PCP4: variants seen among roughly 807,000 people sequenced by gnomAD.
PCP4 encodes calmodulin regulator protein PCP4.
Under a neutral mutation model 10.0 loss-of-function variants are expected in PCP4, and 8 were observed. That is an observed-to-expected ratio of 0.80 (90% CI 0.47 to 1.45). The LOEUF (loss-of-function observed/expected upper bound fraction) is 1.45, where lower values mean the gene tolerates loss of function less well. PCP4 is among the 40% of genes most tolerant of loss of function. The pLI, the probability that PCP4 is intolerant of heterozygous loss-of-function variation, is 0.00. For missense variants in PCP4, 54 were observed against 74.4 expected, an observed-to-expected ratio of 0.73 and a Z score of 1.01; for synonymous variants, 21 against 23.0, an observed-to-expected ratio of 0.91 and a Z score of 0.24.
chr21:39,905,068 G>C (rs2146340995), intron 2 of PCP4, among the ~76,000 whole-genome samples: 1 of 152,276 alleles, frequency 6.6e-6, no homozygotes, highest in East Asian at 1.9e-4. Context: ...TTTCCCGCTA[G>C]GGCAATGAAA....
chr21:39,914,229 C>T (rs1336142777), intron 2 of PCP4, among the ~76,000 whole-genome samples: 1 of 152,138 alleles, frequency 6.6e-6, no homozygotes, highest in African/African-American at 2.4e-5. Context: ...TGTCTTCCTT[C>T]TTCACAAAAC....
chr21:39,878,592 T>C (rs1158213305), intron 1 of PCP4, among the ~76,000 whole-genome samples: 3 of 152,254 alleles, frequency 2.0e-5, no homozygotes, highest in African/African-American at 7.2e-5. Flanking sequence ...AGAGATTACA[T>C]GAGGACAGTC....
At chr21:39,871,922 C>T (rs199877792) in intron 1 of PCP4, among the ~76,000 whole-genome samples, 8 of 151,902 alleles carry the variant, frequency 5.3e-5, no homozygotes, top group East Asian at 1.9e-4. Context: ...TGAAGTAGTA[C>T]GATCAAGATG....
At chr21:39,893,651 C>T (rs1445738944) in intron 1 of PCP4, among the ~76,000 whole-genome samples, 1 of 152,196 alleles carries the variant, frequency 6.6e-6, no homozygotes, top group Non-Finnish European at 1.5e-5. Flanking sequence ...GGTGTTGAAC[C>T]TTAGATGGGT....
chr21:39,918,600 G>A (rs1299882707), intron 2 of PCP4, among the ~76,000 whole-genome samples: 2 of 152,222 alleles, frequency 1.3e-5, no homozygotes, highest in Admixed American at 6.5e-5. Flanking sequence ...GAAGAAATGC[G>A]AATTGTGTTT....
At position 39,875,640 on chromosome 21, in the gene PCP4, A is replaced by G. The variant is rs181739263; in HGVS notation, c.9+8130A>G. ...TCTAACAACAACTGTCTGTTTTAGC[A>G]TATCAATGTTTTGGGAACTATCTTT... is the stretch of plus-strand genomic sequence containing the variant. On this transcript the variant is annotated intron_variant, in intron 1 of 2. Coordinates refer to ENST00000328619, the MANE Select transcript of PCP4 (RefSeq NM_006198.3). 5.7e-3 allele frequency among the ~76,000 whole-genome samples: 861 copies of G among 152,320 alleles called. 6 individuals are homozygous for G. The highest frequency in any genetic ancestry group is 0.01 in the Admixed American group (159 of 15,298).
chr21:39,894,781 A>G (rs1333338067), intron 1 of PCP4, among the ~76,000 whole-genome samples: 1 of 152,212 alleles, frequency 6.6e-6, no homozygotes, highest in African/African-American at 2.4e-5. Context: ...AGTCGGCAAC[A>G]TATGTTCTTA....
At position 39,929,238 on chromosome 21, in the gene PCP4, A is replaced by C; in HGVS notation, c.*127A>C. ...ATCCACACACGCATAGCAAACCTCCAATGCATGTACAGAAACCTGTGATAT... is the reference window on the plus strand; with the variant it reads ...ATCCACACACGCATAGCAAACCTCCCATGCATGTACAGAAACCTGTGATAT... On this transcript the variant is annotated 3_prime_UTR_variant, in exon 3 of 3. Coordinates refer to ENST00000328619, the MANE Select transcript of PCP4 (RefSeq NM_006198.3). The C allele has an allele frequency of 2.5e-6, 2 of 815,968 alleles. No homozygotes were observed. Among genetic ancestry groups the C allele is most frequent in the East Asian group, 2.6e-5 (1 of 37,882 alleles). The allele number at this position is 815,968 out of a possible 1,614,324, so 50.5% of individuals were successfully genotyped here. A position where few individuals can be genotyped will look rare whatever the true frequency, so the allele number is the denominator to read the frequency against.
intron 2 of PCP4, among the ~76,000 whole-genome samples, chr21:39,913,998 A>G (rs2087555170): frequency 1.3e-5 from 2 of 152,310 alleles, no homozygotes; most frequent in Admixed American, 6.5e-5. Context: ...AACGTGTGTC[A>G]TGAAGGATGC....
Position 39,885,279 on chromosome 21 carries a change from A to G in PCP4, c.10-13197A>G, listed in dbSNP as rs1000321655. ...TGCTCCTGCTCCAGGGGGCTATTCA[A>G]CCATGTAGTCCCAGGGGAGCCAGGG... is the stretch of plus-strand genomic sequence containing the variant. On this transcript the variant is annotated intron_variant, in intron 1 of 2. Transcript: ENST00000328619. Among the ~76,000 whole-genome samples, 11 of 152,194 alleles carry G rather than the reference A, an allele frequency of 7.2e-5. 1 individual carries two copies. Among genetic ancestry groups the G allele is most frequent in the Admixed American group, 7.2e-4 (11 of 15,284 alleles).
intron 1 of PCP4, among the ~76,000 whole-genome samples, chr21:39,886,768 T>G (rs908264121): frequency 1.7e-4 from 26 of 152,258 alleles, no homozygotes; most frequent in Non-Finnish European, 2.9e-5. Context: ...TAAGTTGTAA[T>G]GTATATCTTT....
At chr21:39,869,280 G>A (rs192074895) in intron 1 of PCP4, among the ~76,000 whole-genome samples, 1 of 152,128 alleles carries the variant, frequency 6.6e-6, no homozygotes, top group African/African-American at 2.4e-5. Context: ...GCTCTGCTGG[G>A]CTCACTCAAC....
chr21:39,869,931 G>T (rs1158076157), intron 1 of PCP4, among the ~76,000 whole-genome samples: 1 of 152,200 alleles, frequency 6.6e-6, no homozygotes, highest in African/African-American at 2.4e-5. Context: ...CTTGACCTTA[G>T]GATTGATTGG....
intron 1 of PCP4, among the ~76,000 whole-genome samples, chr21:39,890,221 T>C (rs1236164083): frequency 6.6e-6 from 1 of 152,262 alleles, no homozygotes; most frequent in East Asian, 1.9e-4. Context: ...TTGGAATTAC[T>C]GGGTTTCTCC....
At chr21:39,898,372 G>A (rs368137196) in intron 1 of PCP4, 104 bp from the exon 2 acceptor site, 1 of 920,422 alleles carries the variant, frequency 1.1e-6, no homozygotes, top group African/African-American at 1.6e-5. Context: ...AAGTAACATA[G>A]AACTTGATAT....
intron 1 of PCP4, among the ~76,000 whole-genome samples, chr21:39,876,177 G>T (rs1047832211): frequency 9.2e-5 from 14 of 151,432 alleles, no homozygotes; most frequent in African/African-American, 3.2e-4. Context: ...ACAGTTCAGC[G>T]GTATTAATTA....
chr21:39,911,178 A>G (rs1002431131), intron 2 of PCP4, among the ~76,000 whole-genome samples: 2 of 152,138 alleles, frequency 1.3e-5, no homozygotes, highest in African/African-American at 4.8e-5. Context: ...AGTAAGGGCA[A>G]TGGATGGGAT....
chr21:39,905,462 C>G (rs532289506), intron 2 of PCP4, among the ~76,000 whole-genome samples: 1 of 152,226 alleles, frequency 6.6e-6, no homozygotes, highest in African/African-American at 2.4e-5. Context: ...CCAGACAAAC[C>G]CAGTCAATGG....
At chr21:39,924,771 C>T (rs1213234290) in intron 2 of PCP4, among the ~76,000 whole-genome samples, 1 of 152,202 alleles carries the variant, frequency 6.6e-6, no homozygotes, top group Non-Finnish European at 1.5e-5. Context: ...CCAGGCTGGT[C>T]TCAGACTCTC....
Sources: allele counts gnomAD v4.1 joint callset (sites outside exome capture counted in the v4.1 genomes callset), GRCh38; gene constraint gnomAD v4.1.1; transcripts MANE v1.5; gene names NCBI Gene and HGNC (gene_info 2026-07-23, HGNC 2026-07-21).